Variants in ARHGAP30 observed in about 807,000 individuals in gnomAD.
ARHGAP30 encodes the protein Rho GTPase activating protein 30, also known as rho GTPase-activating protein 30.
ARHGAP30 carries 23 observed loss-of-function variants against 72.0 expected under a neutral mutation model. That is an observed-to-expected ratio of 0.32 (90% CI 0.23 to 0.45). The LOEUF (loss-of-function observed/expected upper bound fraction) is 0.45. Ranked by LOEUF, ARHGAP30 falls within the 20% of genes least tolerant of loss-of-function variation. The pLI, the probability that ARHGAP30 is intolerant of heterozygous loss-of-function variation, is 1.00. For synonymous variants in ARHGAP30, 576 were observed against 528.2 expected (o/e 1.09, Z -1.24); for missense variants, 1,319 against 1,383.4 (o/e 0.95, Z 0.74).
chr1:161,067,486 C>T (rs536381492), intron 1 of ARHGAP30, among the ~76,000 whole-genome samples: 156 of 152,138 alleles, frequency 1.0e-3, no homozygotes, highest in Non-Finnish European at 1.9e-3. Flanking sequence ...AGGAGAACTG[C>T]TTGAACCTGG....
rs1006764901 is a variant in ARHGAP30 at position 161,047,883 on chromosome 1, G to A, written c.3138C>T (p.Pro1046=). 48 of 1,611,684 alleles carry A rather than the reference G, an allele frequency of 3.0e-5. No homozygotes were observed. The highest frequency in any genetic ancestry group is 4.0e-5 in the African/African-American group (3 of 74,834). Residue 1046 remains proline, a synonymous_variant, in exon 12 of 12, where the codon CCC becomes CCT. Coordinates refer to ENST00000368013, the MANE Select transcript of ARHGAP30 (RefSeq NM_001025598.2). ...CAGATGGGAGCTCCAGGCAGCTAAG[G>A]GGCCGAGGAGAATGGGCAGAGATCA... ...CSMISAHSPR[P]LSCLELPSEG...
rs200990044 is a variant in ARHGAP30 at position 161,055,801 on chromosome 1, AAAT to A, written c.345+584_345+586del. On this transcript the variant is annotated intron_variant, in intron 3 of 11. Coordinates refer to ENST00000368013, the MANE Select transcript of ARHGAP30 (RefSeq NM_001025598.2). The stretch of plus-strand genomic sequence containing the variant: ...TCCATCTTAAAATTAAAATAAAATA[AAAT>A]AATAAAATAAAATAAAATAAAATAA... Among the ~76,000 whole-genome samples, 357 of 40,418 alleles carry A rather than the reference AAAT, an allele frequency of 8.8e-3. 5 individuals are homozygous for A. Among genetic ancestry groups the A allele is most frequent in the African/African-American group, 0.015 (255 of 16,998 alleles). The allele number at this position is 40,418 out of a possible 152,430, so 26.5% of individuals were successfully genotyped here. A position where few individuals can be genotyped will look rare whatever the true frequency, so the allele number is the denominator to read the frequency against.
chr1:161,059,963 T>A (rs952947911), intron 1 of ARHGAP30, among the ~76,000 whole-genome samples: 53 of 152,342 alleles, frequency 3.5e-4, no homozygotes, highest in Middle Eastern at 3.4e-3. Flanking sequence ...CAGCTCTTTG[T>A]TAGAAAGTTC....
rs1557926751 is a variant in ARHGAP30 at position 161,055,895 on chromosome 1, TAAAATA to T, written c.345+487_345+492del. 2.4e-4 allele frequency among the ~76,000 whole-genome samples: 9 copies of T among 37,216 alleles called. No homozygotes were observed. The East Asian group carries it at 3.6e-3, about 15-fold the overall frequency. The allele number at this position is 37,216 out of a possible 152,430, so 24.4% of individuals were successfully genotyped here. ...TAAAATAAAATAAAAATAAATAAAA[TAAAATA>T]AAATAAAATAAAATAAAATAAAATA... On this transcript the variant is annotated intron_variant, in intron 3 of 11. Transcript: ENST00000368013.
At chr1:161,058,975 C>G (rs1011516400) in intron 2 of ARHGAP30, among the ~76,000 whole-genome samples, 11 of 151,722 alleles carry the variant, frequency 7.3e-5, no homozygotes, top group African/African-American at 2.7e-4. Flanking sequence ...CTAAAAACAA[C>G]GGAGTTATAC....
At chr1:161,067,256 G>A (rs964071547) in intron 1 of ARHGAP30, among the ~76,000 whole-genome samples, 7 of 152,116 alleles carry the variant, frequency 4.6e-5, no homozygotes, top group Non-Finnish European at 1.0e-4. Context: ...AAGGCCAAAA[G>A]CTTAGGGACC....
intron 1 of ARHGAP30, among the ~76,000 whole-genome samples, chr1:161,062,627 G>A (rs183478269): frequency 3.3e-5 from 5 of 151,814 alleles, no homozygotes; most frequent in Admixed American, 3.3e-4. Context: ...TACTTGGGTG[G>A]CTGAGGCAGA....
intron 1 of ARHGAP30, among the ~76,000 whole-genome samples, chr1:161,066,644 C>CAAAAAAAA (rs60662116): frequency 2.7e-5 from 2 of 75,082 alleles, no homozygotes; most frequent in Non-Finnish European, 2.3e-5. Flanking sequence ...GACTGCATCT[C>CAAAAAAAA]AAAAAAAAAA....
At chr1:161,054,575 G>A (rs1212911809) in intron 4 of ARHGAP30, 48 bp downstream of exon 4, 1 of 1,607,028 alleles carries the variant, frequency 6.2e-7, no homozygotes, top group Non-Finnish European at 8.5e-7. Flanking sequence ...CAGGCAGCGA[G>A]TGAATGAGTT....
In ARHGAP30 at chr1:161,047,053, C is replaced by A; in HGVS notation, c.*662G>T. 1 of 455,410 alleles carries A rather than the reference C, an allele frequency of 2.2e-6. No individual in the cohort carries two copies. The highest frequency in any genetic ancestry group is 4.5e-6 in the Non-Finnish European group (1 of 222,380). The allele number at this position is 455,410 out of a possible 1,614,324, so 28.2% of individuals were successfully genotyped here. A position where few individuals can be genotyped will look rare whatever the true frequency, so the allele number is the denominator to read the frequency against. On this transcript the variant is annotated 3_prime_UTR_variant, in exon 12 of 12. Coordinates refer to ENST00000368013, the MANE Select transcript of ARHGAP30 (RefSeq NM_001025598.2). ...CCAGGGCCTGAGTGACACCATTTCC[C>A]TTTCCTGAAATAGGAACAAGTTATT... is the stretch of plus-strand genomic sequence containing the variant.
At chr1:161,060,269 C>CA (rs59790446) in intron 1 of ARHGAP30, 66,980 of 371,842 alleles carry the variant, frequency 0.18, 6,988 homozygotes, top group African/African-American at 0.53. Context: ...GACCCTGTTT[C>CA]AAAAAAAAAA....
chr1:161,049,212 TTCC>T lies in ARHGAP30; in HGVS notation c.1806_1808del (p.Glu603del), dbSNP rs1651160442. The T allele has an allele frequency of 6.2e-7, 1 of 1,613,974 alleles. No homozygotes were observed. Among genetic ancestry groups the T allele is most frequent in the African/African-American group, 1.3e-5 (1 of 74,898 alleles). ...CACTCAGGAAAACTTCCTCCCCATT[TTCC>T]TCCTCAACTTCAGGCCTGGGGCCAG... On this transcript the variant is annotated inframe_deletion, in exon 12 of 12. Transcript: ENST00000368013.
chr1:161,052,336 C>T lies in ARHGAP30; in HGVS notation c.968G>A (p.Arg323Gln), dbSNP rs1366960709. 42 of 1,613,864 alleles carry T rather than the reference C, an allele frequency of 2.6e-5. No homozygotes were observed. The highest frequency in any genetic ancestry group is 3.4e-5 in the Non-Finnish European group (40 of 1,180,034). Reference sequence around the variant, plus strand: ...CAGTGAGTCCATGCTTTTGGCTGGCCGCAGTGTCCCCTTGTTGGATTTATC... The same window carrying T: ...CAGTGAGTCCATGCTTTTGGCTGGCTGCAGTGTCCCCTTGTTGGATTTATC... ...REDKSNKGTLRPAKSMDSLSA... is the reference protein window; with the variant it reads ...REDKSNKGTLQPAKSMDSLSA... Residue 323 changes from arginine to glutamine, a missense_variant, in exon 9 of 12, where the codon CGG becomes CAG. Physicochemically the swap from Arg to Gln is conservative, Grantham distance 43. Coordinates refer to ENST00000368013, the MANE Select transcript of ARHGAP30 (RefSeq NM_001025598.2).
intron 1 of ARHGAP30, among the ~76,000 whole-genome samples, chr1:161,063,577 T>C (rs1334311742): frequency 6.6e-6 from 1 of 152,246 alleles, no homozygotes; most frequent in African/African-American, 2.4e-5. Flanking sequence ...GCATGTGTTT[T>C]TGAGCAATAT....
chr1:161,054,737 A>G (rs1651701414), intron 3 of ARHGAP30, 32 bp from the exon 4 acceptor site: 2 of 1,599,084 alleles, frequency 1.3e-6, no homozygotes, highest in East Asian at 4.5e-5. Context: ...AGCAGGAATC[A>G]GTGACCCAGC....
intron 1 of ARHGAP30, among the ~76,000 whole-genome samples, chr1:161,066,965 C>T (rs917527049): frequency 1.3e-5 from 2 of 152,164 alleles, no homozygotes; most frequent in Non-Finnish European, 2.9e-5. Context: ...GTTTTTGTCA[C>T]ATGAGCAGCA....
chr1:161,059,321 G>T (rs537327009), intron 2 of ARHGAP30, among the ~76,000 whole-genome samples: 1 of 146,854 alleles, frequency 6.8e-6, no homozygotes, highest in African/African-American at 2.6e-5. Flanking sequence ...GAGCCACCGC[G>T]CCTGGCTCAA....
rs1360077170 is a variant in ARHGAP30, at chr1:161,047,112, A to G, written c.*603T>C. ...GAAAGGAGAGCCCAGAGAGATCTGTACAGGACCTCTCTTGCACATGGTGAC... is the reference window on the plus strand; with the variant it reads ...GAAAGGAGAGCCCAGAGAGATCTGTGCAGGACCTCTCTTGCACATGGTGAC... On this transcript the variant is annotated 3_prime_UTR_variant, in exon 12 of 12. Transcript: ENST00000368013. 2 of 349,098 alleles carry G rather than the reference A, an allele frequency of 5.7e-6. No homozygotes were observed. The highest frequency in any genetic ancestry group is 9.8e-5 in the East Asian group (1 of 10,188). The allele number at this position is 349,098 out of a possible 1,614,324, so 21.6% of individuals were successfully genotyped here.
At chr1:161,055,865 TAAAATAAAATAAAATA>T (rs1557926493) in intron 3 of ARHGAP30, among the ~76,000 whole-genome samples, 20 of 121,496 alleles carry the variant, frequency 1.6e-4, no homozygotes, top group Non-Finnish European at 2.9e-4. Flanking sequence ...ATAAATAAAA[TAAAATAAAATAAAATA>T]AAAATAAATA....
Sources: allele counts gnomAD v4.1 joint callset (sites outside exome capture counted in the v4.1 genomes callset), GRCh38; gene constraint gnomAD v4.1.1; transcripts MANE v1.5; gene names NCBI Gene and HGNC (gene_info 2026-07-23, HGNC 2026-07-21).